Variants in SLIT3 observed in about 807,000 individuals in gnomAD.
The protein encoded by SLIT3 is slit guidance ligand 3.
SLIT3 carries 68 observed loss-of-function variants against 184.0 expected under a neutral mutation model. That is an observed-to-expected ratio of 0.37 (90% CI 0.30 to 0.45). The LOEUF (loss-of-function observed/expected upper bound fraction) is 0.45. SLIT3 is among the 20% of genes least tolerant of loss of function. The pLI is 1.00. For missense variants in SLIT3, 1,707 were observed against 2,026.0 expected (o/e 0.84, Z 3.02); for synonymous variants, 831 against 828.6 (o/e 1.00, Z -0.05).
At chr5:169,171,520 A>G (rs1044376783) in intron 4 of SLIT3, among the ~76,000 whole-genome samples, 1 of 152,230 alleles carries the variant, frequency 6.6e-6, no homozygotes, top group Non-Finnish European at 1.5e-5. Context: ...AGGTTGTAGC[A>G]GCCCCAAGGA....
chr5:169,244,387 G>A (rs987934523), intron 3 of SLIT3, among the ~76,000 whole-genome samples: 5 of 152,164 alleles, frequency 3.3e-5, no homozygotes, highest in Non-Finnish European at 4.4e-5. Flanking sequence ...TCCCTCCTCC[G>A]TGGAAGGGAA....
chr5:169,134,622 G>A (rs1761432383), intron 4 of SLIT3, among the ~76,000 whole-genome samples: 1 of 152,144 alleles, frequency 6.6e-6, no homozygotes, highest in African/African-American at 2.4e-5. Context: ...CTGGGGGAGG[G>A]ATAGCATTAG....
intron 5 of SLIT3, among the ~76,000 whole-genome samples, chr5:168,858,711 C>T (rs1758994402): frequency 6.6e-6 from 1 of 152,240 alleles, no homozygotes; most frequent in African/African-American, 2.4e-5. Context: ...TCCTATACTT[C>T]CTTAAGCTCC....
At chr5:168,781,679 A>G (rs1238408230) in intron 12 of SLIT3, among the ~76,000 whole-genome samples, 1 of 152,150 alleles carries the variant, frequency 6.6e-6, no homozygotes, top group Non-Finnish European at 1.5e-5. Context: ...GCCATAACAA[A>G]AGGAGTTGAT....
chr5:168,814,343 C>T (rs563227276), intron 8 of SLIT3, among the ~76,000 whole-genome samples: 19 of 152,242 alleles, frequency 1.2e-4, no homozygotes, highest in Non-Finnish European at 1.9e-4. Context: ...TTGCAGTGAG[C>T]CAAAATACTG....
At chr5:168,792,741 G>A (rs921733367) in intron 10 of SLIT3, among the ~76,000 whole-genome samples, 3 of 152,168 alleles carry the variant, frequency 2.0e-5, no homozygotes, top group Non-Finnish European at 4.4e-5. Context: ...TTGCAAGACC[G>A]AGGGGCTGTC....
At chr5:168,830,791 T>C (rs890407788) in intron 6 of SLIT3, among the ~76,000 whole-genome samples, 1 of 152,232 alleles carries the variant, frequency 6.6e-6, no homozygotes, top group African/African-American at 2.4e-5. Flanking sequence ...CCAGGACCTA[T>C]ATTTTTCATC....
chr5:168,888,138 G>A (rs895792990), intron 4 of SLIT3, among the ~76,000 whole-genome samples: 2 of 152,188 alleles, frequency 1.3e-5, no homozygotes, highest in Non-Finnish European at 2.9e-5. Context: ...TCCCGGGAGA[G>A]ACCAGTGAGG....
intron 4 of SLIT3, among the ~76,000 whole-genome samples, chr5:169,050,236 A>G (rs1327599407): frequency 2.0e-5 from 3 of 152,340 alleles, no homozygotes; most frequent in African/African-American, 7.2e-5. Context: ...ACAGTTAGGA[A>G]TGCAGCACTG....
chr5:168,836,886 T>C (rs562447805), intron 6 of SLIT3, among the ~76,000 whole-genome samples: 87 of 152,274 alleles, frequency 5.7e-4, no homozygotes, highest in Middle Eastern at 6.8e-3. Flanking sequence ...TGAAATCAAC[T>C]AGAAAACCAC....
chr5:168,997,283 C>T (rs1755545521), intron 4 of SLIT3, among the ~76,000 whole-genome samples: 1 of 152,186 alleles, frequency 6.6e-6, no homozygotes, highest in South Asian at 2.1e-4. Context: ...GCAAACACTT[C>T]GACTGAGAAT....
intron 4 of SLIT3, among the ~76,000 whole-genome samples, chr5:169,009,444 C>T (rs1031820851): frequency 1.3e-5 from 2 of 152,218 alleles, no homozygotes; most frequent in African/African-American, 2.4e-5. Context: ...AAAGCAAGCA[C>T]GCTGTGTAGT....
At chr5:168,721,609 AG>A (rs1762943001) in intron 23 of SLIT3, among the ~76,000 whole-genome samples, 1 of 152,214 alleles carries the variant, frequency 6.6e-6, no homozygotes, top group African/African-American at 2.4e-5. Context: ...GCAGGAATGC[AG>A]GGGTAGGGCC....
intron 1 of SLIT3, among the ~76,000 whole-genome samples, chr5:169,253,397 G>A (rs185504140): frequency 1.3e-5 from 2 of 152,234 alleles, no homozygotes; most frequent in Admixed American, 6.5e-5. Context: ...AGGATGTGGC[G>A]GGGGGCAGAA....
chr5:168,812,711 T>C (rs955691522), intron 8 of SLIT3, among the ~76,000 whole-genome samples: 1 of 152,162 alleles, frequency 6.6e-6, no homozygotes, highest in Non-Finnish European at 1.5e-5. Context: ...GATGAGAATA[T>C]AAATGAATGT....
At chr5:169,018,662 A>G (rs1487372440) in intron 4 of SLIT3, 2 of 152,166 alleles carry the variant, frequency 1.3e-5, no homozygotes, top group Non-Finnish European at 2.9e-5. Flanking sequence ...TCTCTGTCTT[A>G]TCTCCGAGTT....
At chr5:168,885,964 G>A (rs553978048) in intron 4 of SLIT3, among the ~76,000 whole-genome samples, 76 of 152,260 alleles carry the variant, frequency 5.0e-4, no homozygotes, top group Non-Finnish European at 8.2e-4. Flanking sequence ...CCTGCACTTG[G>A]GTGGGGCAGC....
chr5:168,717,529 A>G (rs1037493580), intron 23 of SLIT3, among the ~76,000 whole-genome samples: 3 of 152,198 alleles, frequency 2.0e-5, no homozygotes, highest in Non-Finnish European at 4.4e-5. Flanking sequence ...GAGGGCAACA[A>G]TTGTGTCTCA....
intron 4 of SLIT3, among the ~76,000 whole-genome samples, chr5:169,174,644 C>T (rs541117909): frequency 1.0e-3 from 158 of 152,256 alleles, no homozygotes; most frequent in African/African-American, 3.7e-3. Context: ...TAGTACAGTA[C>T]AAAACACTGC....
Sources: allele counts gnomAD v4.1 joint callset (sites outside exome capture counted in the v4.1 genomes callset), GRCh38; gene constraint gnomAD v4.1.1; transcripts MANE v1.5; gene names NCBI Gene and HGNC (gene_info 2026-07-23, HGNC 2026-07-21).